TRARG1: variants seen among roughly 807,000 people sequenced by gnomAD.
TRARG1 encodes trafficking regulator of GLUT4 (SLC2A4) 1 (gene/pseudogene), also known as trafficking regulator of GLUT4 1.
In TRARG1, 16 loss-of-function variants were observed where a neutral mutation model predicts 13.3. The observed-to-expected ratio is 1.20, with a 90% CI of 0.81 to 1.83. The LOEUF (loss-of-function observed/expected upper bound fraction) is 1.83, where lower values mean the gene tolerates loss of function less well. Among genes scored for constraint, TRARG1 ranks in the 40% most tolerant of loss-of-function variants. The probability of loss-of-function intolerance (pLI) is 0.00; values close to 1 mark genes in which losing one functional copy is unlikely to be tolerated. For synonymous variants in TRARG1, 113 were observed against 106.2 expected (o/e 1.06, Z -0.39); for missense variants, 250 against 237.4 (o/e 1.05, Z -0.35).
chr17:1,290,022 T>C (rs1242323603), intron 1 of TRARG1, among the ~76,000 whole-genome samples: 1 of 152,164 alleles, frequency 6.6e-6, no homozygotes, highest in Non-Finnish European at 1.5e-5. Context: ...CTGGGAACTG[T>C]TCAAGTCCTG....
chr17:1,298,398 G>T lies in TRARG1; in HGVS notation c.*134G>T. The T allele has an allele frequency of 3.2e-6, 3 of 948,194 alleles. No homozygotes were observed. Among genetic ancestry groups the T allele is most frequent in the South Asian group, 1.6e-5 (1 of 60,874 alleles). 58.7% of individuals were successfully genotyped at this position (948,194 alleles called of 1,614,324 possible). On this transcript the variant is annotated 3_prime_UTR_variant, in exon 3 of 3. Transcript: ENST00000333813. ...CAAGTTCCAAAAGCACAGACTCAAA[G>T]GGAAACCCCCCAGTCACCCACTGTC...
At chr17:1,294,487 T>TTTTTTTGG (rs56929786) in intron 1 of TRARG1, among the ~76,000 whole-genome samples, 1 of 129,270 alleles carries the variant, frequency 7.7e-6, no homozygotes, top group African/African-American at 2.8e-5. Flanking sequence ...TTTTTTTTTT[T>TTTTTTTGG]GAGGCAGTCT....
chr17:1,294,730 G>C (rs1003336495), intron 1 of TRARG1, among the ~76,000 whole-genome samples: 2 of 148,306 alleles, frequency 1.3e-5, no homozygotes, highest in African/African-American at 5.0e-5. Context: ...CTGTCTCCCA[G>C]GCTAGGGTGC....
intron 1 of TRARG1, among the ~76,000 whole-genome samples, chr17:1,282,750 T>G (rs2071992808): frequency 6.6e-6 from 1 of 152,022 alleles, no homozygotes; most frequent in African/African-American, 2.4e-5. Context: ...AGTGCAATGG[T>G]GCGATCTTGG....
intron 1 of TRARG1, among the ~76,000 whole-genome samples, chr17:1,282,119 CATATGTACATATACACGCAT>C (rs201429607): frequency 0.12 from 12,317 of 99,648 alleles, 1,135 homozygotes; most frequent in East Asian, 0.21. Flanking sequence ...CATAAATGCA[CATATGTACATATACACGCAT>C]ATATGTACGT....
At chr17:1,292,413 A>G (rs919478328) in intron 1 of TRARG1, among the ~76,000 whole-genome samples, 1 of 152,072 alleles carries the variant, frequency 6.6e-6, no homozygotes, top group Non-Finnish European at 1.5e-5. Context: ...CTCACGTCCT[A>G]CACTGGGCCC....
At chr17:1,295,758 C>T (rs2072107180) in intron 2 of TRARG1, 135 bp downstream of exon 2, 2 of 1,035,268 alleles carry the variant, frequency 1.9e-6, no homozygotes, top group Non-Finnish European at 2.7e-6. Flanking sequence ...CGGCCTTATC[C>T]TCCCAGTCCA....
chr17:1,282,218 A>ATGTACGTATATG lies in TRARG1; in HGVS notation c.387+1830_387+1831insTGTACGTATATG, dbSNP rs1491514533. ...TGTACACGTGCGTATATGTACGTAT[A>ATGTACGTATATG]CACGTGCGTATATGTACGTATATGC... On this transcript the variant is annotated intron_variant, in intron 1 of 2. Transcript: ENST00000333813. 1.4e-3 allele frequency among the ~76,000 whole-genome samples: 155 copies of ATGTACGTATATG among 108,162 alleles called. 1 individual carries two copies. The highest frequency in any genetic ancestry group is 5.2e-3 in the African/African-American group (146 of 27,884). 71.0% of individuals were successfully genotyped at this position (108,162 alleles called of 152,430 possible). A position where few individuals can be genotyped will look rare whatever the true frequency, so the allele number is the denominator to read the frequency against.
chr17:1,300,899 C>T lies in TRARG1; in HGVS notation c.*2635C>T, dbSNP rs1436239762. On this transcript the variant is annotated 3_prime_UTR_variant, in exon 3 of 3. Transcript: ENST00000333813. The stretch of plus-strand genomic sequence containing the variant: ...CTGTGTCCCACAGGGAGTAGCAAGA[C>T]CCACCCCACACTGCCTTCACCATCT... 1 of 151,680 alleles carries T rather than the reference C, an allele frequency of 6.6e-6. No individual in the cohort carries two copies. Among genetic ancestry groups the T allele is most frequent in the South Asian group, 2.1e-4 (1 of 4,814 alleles). 9.4% of individuals were successfully genotyped at this position (151,680 alleles called of 1,614,324 possible). A position where few individuals can be genotyped will look rare whatever the true frequency, so the allele number is the denominator to read the frequency against.
chr17:1,294,708 G>C (rs1420393890), intron 1 of TRARG1, among the ~76,000 whole-genome samples: 2 of 132,620 alleles, frequency 1.5e-5, no homozygotes, highest in Admixed American at 7.8e-5. Context: ...TTTTTTTTGA[G>C]ACGGAGTCTT....
intron 2 of TRARG1, among the ~76,000 whole-genome samples, chr17:1,297,366 A>G (rs2072119369): frequency 6.6e-6 from 1 of 151,972 alleles, no homozygotes; most frequent in Admixed American, 6.6e-5. Context: ...CACTTAGGAG[A>G]GGGAAGCGTT....
At chr17:1,284,717 G>A (rs181306239) in intron 1 of TRARG1, among the ~76,000 whole-genome samples, 1 of 151,982 alleles carries the variant, frequency 6.6e-6, no homozygotes. Flanking sequence ...GTCTTGCTCT[G>A]TCGCCCAGGC....
rs190084759 is a variant in TRARG1, at chr17:1,297,162, G to A, written c.521-1089G>A. On this transcript the variant is annotated intron_variant, in intron 2 of 2. Coordinates refer to ENST00000333813, the MANE Select transcript of TRARG1 (RefSeq NM_172367.3). ...AAACTGTGCTCCCTGGACCTGTGACGGGATTATCGAGGAATGTGTCAGAAA... is the reference window on the plus strand; with the variant it reads ...AAACTGTGCTCCCTGGACCTGTGACAGGATTATCGAGGAATGTGTCAGAAA... Among the ~76,000 whole-genome samples the A allele has an allele frequency of 9.2e-5, 14 of 152,218 alleles. No individual in the cohort carries two copies. In the East Asian group the frequency reaches 2.5e-3, roughly 27 times the overall value.
chr17:1,281,276 G>C (rs9893760), intron 1 of TRARG1, among the ~76,000 whole-genome samples: 7,481 of 152,208 alleles, frequency 0.049, 593 homozygotes, highest in African/African-American at 0.17. Context: ...GGTGGGGAGA[G>C]GGAGAAGCAG....
intron 1 of TRARG1, among the ~76,000 whole-genome samples, chr17:1,290,974 T>C (rs1192362628): frequency 6.6e-6 from 1 of 151,842 alleles, no homozygotes; most frequent in East Asian, 1.9e-4. Context: ...GGCACAGTCT[T>C]GGCTCACTGC....
intron 1 of TRARG1, among the ~76,000 whole-genome samples, chr17:1,284,029 G>C (rs1382370109): frequency 6.6e-6 from 1 of 151,906 alleles, no homozygotes; most frequent in Non-Finnish European, 1.5e-5. Flanking sequence ...GCAGGAGAAT[G>C]GCGTGAATCC....
chr17:1,297,872 T>C (rs973228543), intron 2 of TRARG1, among the ~76,000 whole-genome samples: 3 of 152,196 alleles, frequency 2.0e-5, no homozygotes, highest in Non-Finnish European at 2.9e-5. Context: ...CCCAAAGTGC[T>C]GGGATGACAG....
At chr17:1,281,663 G>A (rs62090191) in intron 1 of TRARG1, among the ~76,000 whole-genome samples, 22,063 of 152,150 alleles carry the variant, frequency 0.15, 1,936 homozygotes, top group Admixed American at 0.24. Context: ...CCTGGGGACC[G>A]CTTGCAGGTA....
At chr17:1,290,322 G>A (rs1404775318) in intron 1 of TRARG1, among the ~76,000 whole-genome samples, 1 of 152,156 alleles carries the variant, frequency 6.6e-6, no homozygotes, top group Admixed American at 6.6e-5. Context: ...TTGAGATGGA[G>A]TTTCGCTCTG....
Sources: allele counts gnomAD v4.1 joint callset (sites outside exome capture counted in the v4.1 genomes callset), GRCh38; gene constraint gnomAD v4.1.1; transcripts MANE v1.5; gene names NCBI Gene and HGNC (gene_info 2026-07-23, HGNC 2026-07-21).